BRINP3: variants seen among roughly 807,000 people sequenced by gnomAD.
The protein encoded by BRINP3 is BMP/retinoic acid-inducible neural-specific protein 3.
BRINP3 carries 19 observed loss-of-function variants against 71.0 expected under a neutral mutation model. That is an observed-to-expected ratio of 0.27 (90% CI 0.19 to 0.39). BRINP3 has a LOEUF of 0.39. BRINP3 is among the 10% of genes least tolerant of loss of function. BRINP3 has a pLI of 1.00. For synonymous variants in BRINP3, 380 were observed against 337.7 expected, an observed-to-expected ratio of 1.13 and a Z score of -1.37; for missense variants, 959 against 940.8, an observed-to-expected ratio of 1.02 and a Z score of -0.25.
intron 2 of BRINP3, among the ~76,000 whole-genome samples, chr1:190,301,210 T>TATGTATATATATACACATAC (rs1664694827): frequency 4.2e-4 from 45 of 107,804 alleles, no homozygotes; most frequent in Admixed American, 1.0e-3. Context: ...CATACATATA[T>TATGTATATATATACACATAC]ATATATATAT....
chr1:190,336,119 C>G (rs1359838907), intron 2 of BRINP3, among the ~76,000 whole-genome samples: 2 of 151,944 alleles, frequency 1.3e-5, no homozygotes, highest in Non-Finnish European at 2.9e-5. Flanking sequence ...GTCAGTATTA[C>G]AACTCCTTGG....
At chr1:190,161,007 C>T (rs1211018304) in intron 6 of BRINP3, 117 bp from the exon 7 acceptor site, 2 of 660,224 alleles carry the variant, frequency 3.0e-6, no homozygotes, top group Non-Finnish European at 5.0e-6. Flanking sequence ...AAATTAAGAA[C>T]AAATAAATAC....
intron 2 of BRINP3, among the ~76,000 whole-genome samples, chr1:190,288,499 A>C (rs1044593552): frequency 6.6e-6 from 1 of 151,970 alleles, no homozygotes; most frequent in Non-Finnish European, 1.5e-5. Flanking sequence ...TCCTATACTC[A>C]CCAATTTAAT....
chr1:190,137,079 C>T (rs1655033779), intron 7 of BRINP3, among the ~76,000 whole-genome samples: 1 of 152,030 alleles, frequency 6.6e-6, no homozygotes, highest in African/African-American at 2.4e-5. Flanking sequence ...ATGTGTCTTG[C>T]TCATTAAGAG....
At chr1:190,459,678 T>G (rs948569142) in intron 1 of BRINP3, among the ~76,000 whole-genome samples, 3 of 152,038 alleles carry the variant, frequency 2.0e-5, no homozygotes, top group African/African-American at 4.8e-5. Context: ...TATCATTTCT[T>G]TTTTTGTATT....
At chr1:190,195,563 T>G (rs981819684) in intron 6 of BRINP3, among the ~76,000 whole-genome samples, 1 of 152,036 alleles carries the variant, frequency 6.6e-6, no homozygotes, top group African/African-American at 2.4e-5. Context: ...TTATTCACTT[T>G]TCCTTCAAAT....
intron 7 of BRINP3, among the ~76,000 whole-genome samples, 163 bp from the exon 8 acceptor site, chr1:190,099,297 TACACACACACACACACAC>T (rs56359524): frequency 1.3e-5 from 2 of 149,332 alleles, no homozygotes; most frequent in African/African-American, 2.5e-5. Flanking sequence ...GACTATATAA[TACACACACACACACACAC>T]ACACACACAC....
At chr1:190,423,818 C>G (rs1673532387) in intron 2 of BRINP3, among the ~76,000 whole-genome samples, 1 of 151,652 alleles carries the variant, frequency 6.6e-6, no homozygotes. Flanking sequence ...TTATTTTTAT[C>G]ATTATGACAG....
intron 2 of BRINP3, among the ~76,000 whole-genome samples, chr1:190,404,700 A>C (rs2102375054): frequency 6.6e-6 from 1 of 152,318 alleles, no homozygotes; most frequent in South Asian, 2.1e-4. Context: ...ATAAATTATT[A>C]ACAAATTTCA....
At chr1:190,476,565 A>G (rs1163076504) in intron 1 of BRINP3, among the ~76,000 whole-genome samples, 1 of 152,232 alleles carries the variant, frequency 6.6e-6, no homozygotes, top group Admixed American at 6.5e-5. Flanking sequence ...TCATAAAAGC[A>G]AAAGGCACTG....
intron 1 of BRINP3, among the ~76,000 whole-genome samples, chr1:190,477,226 A>G (rs1216028756): frequency 6.6e-6 from 1 of 152,184 alleles, no homozygotes; most frequent in Admixed American, 6.5e-5. Flanking sequence ...AAAGAAGGTA[A>G]AAGATATTGG....
At chr1:190,374,571 T>C (rs1670070629) in intron 2 of BRINP3, among the ~76,000 whole-genome samples, 1 of 152,072 alleles carries the variant, frequency 6.6e-6, no homozygotes, top group Admixed American at 6.6e-5. Flanking sequence ...GAAAAACTTA[T>C]ACAAACAATC....
At chr1:190,152,043 C>T (rs1656439320) in intron 7 of BRINP3, among the ~76,000 whole-genome samples, 1 of 152,000 alleles carries the variant, frequency 6.6e-6, no homozygotes, top group Admixed American at 6.6e-5. Flanking sequence ...ATTTGGCATG[C>T]ATGTGTTGTA....
chr1:190,207,941 T>C (rs1655655490), intron 6 of BRINP3, among the ~76,000 whole-genome samples: 1 of 151,984 alleles, frequency 6.6e-6, no homozygotes. Flanking sequence ...AAATGTGTAA[T>C]ACATATTGTG....
At chr1:190,312,027 G>T (rs556469005) in intron 2 of BRINP3, among the ~76,000 whole-genome samples, 3 of 75,204 alleles carry the variant, frequency 4.0e-5, no homozygotes, top group Non-Finnish European at 5.4e-5. Context: ...CATGATATTT[G>T]AAAAGTCAAA....
chr1:190,338,753 GAC>G (rs1295892262), intron 2 of BRINP3, among the ~76,000 whole-genome samples: 1 of 151,684 alleles, frequency 6.6e-6, no homozygotes, highest in Non-Finnish European at 1.5e-5. Flanking sequence ...TAGAAATAAT[GAC>G]AGTTGATCAC....
At chr1:190,269,213 G>A (rs1175318146) in intron 3 of BRINP3, among the ~76,000 whole-genome samples, 1 of 152,054 alleles carries the variant, frequency 6.6e-6, no homozygotes, top group Non-Finnish European at 1.5e-5. Flanking sequence ...GGAAAAGATA[G>A]ACTTTTTACT....
At chr1:190,474,470 G>C (rs898552361) in intron 1 of BRINP3, 2 of 152,628 alleles carry the variant, frequency 1.3e-5, no homozygotes, top group Non-Finnish European at 2.9e-5. Flanking sequence ...CCCAAAATCT[G>C]AATCATCTGT....
At chr1:190,350,695 G>T (rs1003780034) in intron 2 of BRINP3, among the ~76,000 whole-genome samples, 1 of 151,986 alleles carries the variant, frequency 6.6e-6, no homozygotes, top group East Asian at 1.9e-4. Flanking sequence ...AAATATGGCA[G>T]AATTTGGGTC....
Sources: gnomAD v4.1 joint callset for allele counts (sites outside exome capture counted in the v4.1 genomes callset) on GRCh38, gnomAD v4.1.1 for gene constraint, MANE v1.5 for transcripts, NCBI Gene and HGNC (gene_info 2026-07-23, HGNC 2026-07-21) for gene names.